The following XYLT1 variants were observed in gnomAD, a reference collection of about 807,000 sequenced individuals.
The protein encoded by XYLT1 is xylosyltransferase 1.
Under a neutral mutation model 91.3 loss-of-function variants are expected in XYLT1, and 36 were observed. The ratio of observed to expected loss-of-function variants is 0.39; its 90% CI spans 0.30 to 0.52. The LOEUF is 0.52. Ranked by LOEUF, XYLT1 falls within the 20% of genes least tolerant of loss-of-function variation. The probability of loss-of-function intolerance (pLI) is 0.68; values close to 1 mark genes in which losing one functional copy is unlikely to be tolerated. For synonymous variants in XYLT1, 588 were observed against 532.0 expected (o/e 1.11, Z -1.45); for missense variants, 1,242 against 1,284.5 (o/e 0.97, Z 0.51).
chr16:17,378,650 CTTAACTCTTT>C (rs1254505641), intron 1 of XYLT1, among the ~76,000 whole-genome samples: 1 of 152,212 alleles, frequency 6.6e-6, no homozygotes, highest in African/African-American at 2.4e-5. Flanking sequence ...CTTCACTGGC[CTTAACTCTTT>C]GTAACTCATG....
At chr16:17,246,342 C>G (rs557490067) in intron 3 of XYLT1, among the ~76,000 whole-genome samples, 2 of 152,182 alleles carry the variant, frequency 1.3e-5, no homozygotes, top group African/African-American at 4.8e-5. Context: ...CCTGTTCTTT[C>G]TGGCTGCAGA....
At chr16:17,409,504 G>A (rs1047582508) in intron 1 of XYLT1, among the ~76,000 whole-genome samples, 6 of 149,924 alleles carry the variant, frequency 4.0e-5, no homozygotes, top group South Asian at 2.1e-4. Context: ...GAGAAAGAAA[G>A]TCCATTAACA....
At chr16:17,438,045 G>T (rs191027252) in intron 1 of XYLT1, among the ~76,000 whole-genome samples, 8 of 152,300 alleles carry the variant, frequency 5.3e-5, no homozygotes, top group Non-Finnish European at 8.8e-5. Context: ...AAGGATTAAA[G>T]AAATGGAAAA....
At chr16:17,338,508 C>T (rs753034058) in intron 2 of XYLT1, 6 of 456,250 alleles carry the variant, frequency 1.3e-5, no homozygotes, top group South Asian at 9.3e-5. Context: ...CCTTGTGCTC[C>T]ATGAATATTG....
At position 17,141,237 on chromosome 16, in the gene XYLT1, C is replaced by A. The variant is rs762172780; in HGVS notation, c.1503G>T (p.Arg501Ser). Residue 501 changes from arginine to serine, a missense_variant, in exon 7 of 12, where the codon AGG becomes AGT. Physicochemically the swap from Arg to Ser is moderately radical, Grantham distance 110. Around this residue, in one of 3 missense-constraint regions of XYLT1, gnomAD observed 294 missense variants for 376.0 expected, o/e 0.78. Coordinates refer to ENST00000261381, the MANE Select transcript of XYLT1 (RefSeq NM_022166.4). The stretch of plus-strand genomic sequence containing the variant: ...TGGAGAAGGTCACATATTCTACAAA[C>A]CTCCGGTTCAGCAGGAACCAGTCCG... The part of the protein sequence containing the change: ...GGSDWFLLNR[R>S]FVEYVTFSTD... The A allele has an allele frequency of 1.9e-6, 3 of 1,614,196 alleles. No homozygotes were observed. The South Asian group carries it at 3.3e-5, about 18-fold the overall frequency.
At chr16:17,113,621 G>C (rs982594984) in intron 11 of XYLT1, among the ~76,000 whole-genome samples, 24 of 152,150 alleles carry the variant, frequency 1.6e-4, no homozygotes, top group African/African-American at 5.5e-4. Flanking sequence ...GTGGGTGATA[G>C]GACTCTCATT....
chr16:17,330,749 G>A (rs769993032), intron 2 of XYLT1, among the ~76,000 whole-genome samples: 8 of 151,646 alleles, frequency 5.3e-5, no homozygotes, highest in African/African-American at 1.5e-4. Flanking sequence ...AGCCAAGATC[G>A]CGCCATTGCA....
chr16:17,347,892 G>C (rs1436906455), intron 2 of XYLT1, among the ~76,000 whole-genome samples: 1 of 152,212 alleles, frequency 6.6e-6, no homozygotes, highest in Non-Finnish European at 1.5e-5. Context: ...GGCCTGAAGG[G>C]GAGGGAGTGG....
chr16:17,406,752 C>G (rs1386180010), intron 1 of XYLT1, among the ~76,000 whole-genome samples: 4 of 152,096 alleles, frequency 2.6e-5, no homozygotes, highest in African/African-American at 7.2e-5. Flanking sequence ...GAGGAAGATG[C>G]TGAACAGCTA....
intron 3 of XYLT1, among the ~76,000 whole-genome samples, chr16:17,232,636 C>T (rs376516532): frequency 3.3e-5 from 5 of 150,964 alleles, no homozygotes; most frequent in South Asian, 2.1e-4. Context: ...ACTGTGAAGG[C>T]GATGACAGTG....
At chr16:17,216,353 A>C (rs1213450562) in intron 3 of XYLT1, among the ~76,000 whole-genome samples, 5 of 152,230 alleles carry the variant, frequency 3.3e-5, no homozygotes, top group Non-Finnish European at 7.3e-5. Context: ...CCAAGGATTA[A>C]GTGAGTAACA....
rs1289374422 is a variant in XYLT1 at position 17,424,806 on chromosome 16, T to G, written c.363+45628A>C. 2.0e-5 allele frequency among the ~76,000 whole-genome samples: 3 copies of G among 146,482 alleles called. No individual in the cohort carries two copies. In the East Asian group the frequency reaches 6.1e-4, roughly 30 times the overall value. ...TTGCTTGAACCCGGGAGGCAGAGGT[T>G]GCAGTCAGCTGAGATTGCACCACGG... is the stretch of plus-strand genomic sequence containing the variant. On this transcript the variant is annotated intron_variant, in intron 1 of 11. Coordinates refer to ENST00000261381, the MANE Select transcript of XYLT1 (RefSeq NM_022166.4).
At chr16:17,258,468 G>A (rs922940218) in intron 3 of XYLT1, among the ~76,000 whole-genome samples, 4 of 151,822 alleles carry the variant, frequency 2.6e-5, no homozygotes, top group Non-Finnish European at 5.9e-5. Context: ...GAAAATAAAG[G>A]AATGAGAAGG....
intron 1 of XYLT1, among the ~76,000 whole-genome samples, chr16:17,441,850 T>C (rs2036536199): frequency 6.6e-6 from 1 of 152,110 alleles, no homozygotes; most frequent in Admixed American, 6.5e-5. Flanking sequence ...AAAATGAGCT[T>C]CCAGAGCTTA....
At chr16:17,367,194 G>A (rs2035466627) in intron 1 of XYLT1, among the ~76,000 whole-genome samples, 1 of 152,156 alleles carries the variant, frequency 6.6e-6, no homozygotes, top group Admixed American at 6.5e-5. Context: ...GAAGACAATT[G>A]GCGACACTTT....
At chr16:17,291,145 A>G (rs1032320500) in intron 2 of XYLT1, among the ~76,000 whole-genome samples, 1 of 152,148 alleles carries the variant, frequency 6.6e-6, no homozygotes, top group East Asian at 1.9e-4. Flanking sequence ...TTTAGTGGGC[A>G]CCACCACACC....
chr16:17,425,469 G>A (rs962785857), intron 1 of XYLT1, among the ~76,000 whole-genome samples: 1 of 152,154 alleles, frequency 6.6e-6, no homozygotes. Flanking sequence ...CCAAGAAGGT[G>A]TATTAGCTTT....
At chr16:17,343,813 C>G (rs1334159607) in intron 2 of XYLT1, among the ~76,000 whole-genome samples, 2 of 152,158 alleles carry the variant, frequency 1.3e-5, no homozygotes, top group Non-Finnish European at 2.9e-5. Context: ...GAGCGTTCTT[C>G]CGTACCTCAT....
At chr16:17,429,350 C>T (rs891677070) in intron 1 of XYLT1, among the ~76,000 whole-genome samples, 1 of 152,184 alleles carries the variant, frequency 6.6e-6, no homozygotes, top group Admixed American at 6.5e-5. Context: ...ATGAGAAATG[C>T]GACAGCAATA....
Sources: allele counts gnomAD v4.1 joint callset (sites outside exome capture counted in the v4.1 genomes callset), GRCh38; gene constraint gnomAD v4.1.1; regional missense constraint gnomAD v4.1.1; transcripts MANE v1.5; gene names NCBI Gene and HGNC (gene_info 2026-07-23, HGNC 2026-07-21).